Variants in SATL1 observed in about 807,000 individuals in gnomAD.
The protein encoded by SATL1 is spermidine/spermine N(1)-acetyltransferase-like protein 1.
A neutral mutation model predicts 51.8 loss-of-function variants in SATL1; 47 were observed. The observed-to-expected ratio is 0.91, with a 90% CI of 0.72 to 1.16. SATL1 has a LOEUF of 1.16. Among genes scored for constraint, SATL1 ranks in the 50% most tolerant of loss-of-function variants. SATL1 has a pLI of 0.00. For synonymous variants in SATL1, 176 were observed against 182.4 expected (o/e 0.97, Z 0.28); for missense variants, 520 against 526.4 (o/e 0.99, Z 0.12).
intron 1 of SATL1, among the ~76,000 whole-genome samples, chrX:85,242,952 C>A (rs1232105232): frequency 1.8e-5 from 2 of 111,869 alleles, no homozygotes; most frequent in Non-Finnish European, 3.8e-5. Context: ...TTGCTTACTA[C>A]TATTTATTTA....
chrX:85,228,458 G>C (rs1928318697), intron 1 of SATL1, among the ~76,000 whole-genome samples: 1 of 111,183 alleles, frequency 9.0e-6, no homozygotes, highest in Admixed American at 9.6e-5. Context: ...TCTAGCTATT[G>C]CCCAATTTCT....
At chrX:85,096,525 A>G (rs1410325804) in intron 4 of SATL1, among the ~76,000 whole-genome samples, 1 of 111,633 alleles carries the variant, frequency 9.0e-6, no homozygotes, top group Non-Finnish European at 1.9e-5. Context: ...GACATAAAAC[A>G]TGAATCTACA....
chrX:85,238,678 A>G (rs1268209403), intron 1 of SATL1, among the ~76,000 whole-genome samples: 1 of 111,502 alleles, frequency 9.0e-6, no homozygotes, highest in African/African-American at 3.3e-5. Flanking sequence ...ACAGTCAACA[A>G]TAACTTATTG....
chrX:85,185,533 A>C (rs1273378424), intron 2 of SATL1, among the ~76,000 whole-genome samples: 3 of 110,958 alleles, frequency 2.7e-5, no homozygotes, highest in Non-Finnish European at 3.8e-5. Context: ...CTGCCACCCA[A>C]GCCACAAGAC....
chrX:85,217,566 T>G (rs182976091), intron 2 of SATL1, among the ~76,000 whole-genome samples: 16 of 111,790 alleles, frequency 1.4e-4, no homozygotes. Context: ...GCTAACAAAT[T>G]AAACTTTTCC....
chrX:85,157,629 C>A (rs930417580), intron 2 of SATL1, among the ~76,000 whole-genome samples: 5 of 110,963 alleles, frequency 4.5e-5, no homozygotes, highest in Non-Finnish European at 7.6e-5. Flanking sequence ...CTGTAATAAT[C>A]TCTCTTTTTA....
intron 2 of SATL1, among the ~76,000 whole-genome samples, chrX:85,129,726 G>A (rs1925729562): frequency 9.0e-6 from 1 of 111,520 alleles, no homozygotes; most frequent in Admixed American, 9.5e-5. Context: ...TCTTGTGCCA[G>A]TTTTCAAAGG....
rs112006376 is a variant in SATL1 at position 85,107,403 on chromosome X, C to A, written c.1566G>T (p.Arg522Ser). 5 of 1,211,193 alleles carry A rather than the reference C, an allele frequency of 4.1e-6. No homozygotes were observed. Among genetic ancestry groups the A allele is most frequent in the African/African-American group, 3.5e-5 (2 of 57,632 alleles). ...TTTGAAAGTAATCCATGCTTGTTTG[C>A]CTCATGCCCATTTGGCTCACACTTG... ...SQPSVSQMGM[R>S]QTSMDYFQIR... is the part of the protein sequence containing the mutation. The change falls in exon 3 of 8, where the codon AGG (arginine) becomes AGT (serine). Residue 522 changes from arginine to serine, a missense_variant. Around this residue, in one of 3 missense-constraint regions of SATL1, gnomAD observed 488 missense variants for 474.3 expected, o/e 1.03. Coordinates refer to ENST00000644105, the MANE Select transcript of SATL1 (RefSeq NM_001367857.2).
At chrX:85,171,002 G>A (rs372434174) in intron 2 of SATL1, among the ~76,000 whole-genome samples, 40 of 111,459 alleles carry the variant, frequency 3.6e-4, no homozygotes, top group African/African-American at 1.2e-3. Flanking sequence ...TATCATGTGT[G>A]TCATATCTGG....
At chrX:85,174,077 T>C (rs2147736273) in intron 2 of SATL1, among the ~76,000 whole-genome samples, 1 of 109,839 alleles carries the variant, frequency 9.1e-6, no homozygotes, top group Non-Finnish European at 1.9e-5. Flanking sequence ...TCCAGCTTCA[T>C]CAATGTCCCT....
At chrX:85,172,479 T>C (rs765391915) in intron 2 of SATL1, among the ~76,000 whole-genome samples, 1 of 110,611 alleles carries the variant, frequency 9.0e-6, no homozygotes, top group Non-Finnish European at 1.9e-5. Flanking sequence ...ATGTGGTGCT[T>C]AGAGAGTTCA....
chrX:85,195,246 T>A (rs1708393926), intron 2 of SATL1, among the ~76,000 whole-genome samples: 1 of 110,980 alleles, frequency 9.0e-6, no homozygotes, highest in Non-Finnish European at 1.9e-5. Context: ...TGGCCAAGAC[T>A]TTTTTTCTGG....
intron 2 of SATL1, among the ~76,000 whole-genome samples, chrX:85,180,839 G>A (rs1161040525): frequency 2.7e-5 from 3 of 110,535 alleles, no homozygotes; most frequent in Admixed American, 1.9e-4. Context: ...ATTCTACCTT[G>A]TCTCACACAT....
intron 2 of SATL1, among the ~76,000 whole-genome samples, chrX:85,201,028 C>T (rs1055768424): frequency 9.0e-6 from 1 of 110,632 alleles, no homozygotes; most frequent in Admixed American, 9.7e-5. Context: ...TTAGCAGATG[C>T]GTTCACTCTT....
chrX:85,118,441 C>T (rs778881061), intron 2 of SATL1: 1 of 109,720 alleles, frequency 9.1e-6, no homozygotes, highest in African/African-American at 3.3e-5. Flanking sequence ...AGAAGGTAAC[C>T]CTGGAGAAGG....
rs566606489 is a variant in SATL1, at chrX:85,146,494, A to T, written c.-312-37214T>A. On this transcript the variant is annotated intron_variant, in intron 2 of 7. Coordinates refer to ENST00000644105, the MANE Select transcript of SATL1 (RefSeq NM_001367857.2). The stretch of plus-strand genomic sequence containing the variant: ...ATGTGCCCACAAAAATTAAAAATTT[A>T]AAAAAATAAACTTTATCATAGGTAT... Among the ~76,000 whole-genome samples the T allele has an allele frequency of 5.1e-4, 57 of 111,954 alleles. No homozygotes were observed. In the South Asian group the frequency reaches 5.2e-3, roughly 10 times the overall value.
intron 2 of SATL1, among the ~76,000 whole-genome samples, chrX:85,196,100 G>A (rs900829813): frequency 9.2e-6 from 1 of 108,933 alleles, no homozygotes; most frequent in Admixed American, 1.0e-4. Flanking sequence ...AATTGAGCCG[G>A]ATACAAGATC....
rs1388796476 is a variant in SATL1 at position 85,094,174 on chromosome X, G to C, written c.1830C>G (p.Gly610=). The C allele has an allele frequency of 2.5e-6, 3 of 1,198,501 alleles. No individual in the cohort carries two copies. Among genetic ancestry groups the C allele is most frequent in the Non-Finnish European group, 3.4e-6 (3 of 885,600 alleles). ...MYYFTYDSWT[G]KVLYLEDFYV... The stretch of plus-strand genomic sequence containing the variant: ...AAAAGTCCTCTAGGTAAAGTACCTT[G>C]CCAGTCCATGAGTCGTATGTAAAGT... Residue 610 remains glycine, a synonymous_variant, in exon 6 of 8, where the codon GGC becomes GGG. Transcript: ENST00000644105.
chrX:85,132,584 A>G (rs1451276917), intron 2 of SATL1, among the ~76,000 whole-genome samples: 1 of 111,369 alleles, frequency 9.0e-6, no homozygotes, highest in East Asian at 2.8e-4. Flanking sequence ...CTTGCTTGCA[A>G]TGGTTTCAAA....
Sources: gnomAD v4.1 joint callset for allele counts (sites outside exome capture counted in the v4.1 genomes callset) on GRCh38, gnomAD v4.1.1 for gene constraint, gnomAD v4.1.1 regional missense constraint, MANE v1.5 for transcripts, NCBI Gene and HGNC (gene_info 2026-07-23, HGNC 2026-07-21) for gene names.